LMBR1: variants seen among roughly 807,000 people sequenced by gnomAD.
LMBR1 encodes limb development membrane protein 1.
A neutral mutation model predicts 73.9 loss-of-function variants in LMBR1; 52 were observed. The ratio of observed to expected loss-of-function variants is 0.70; its 90% confidence interval spans 0.56 to 0.89. The LOEUF is 0.89. LMBR1 is among the 40% of genes least tolerant of loss of function. LMBR1 has a pLI of 0.00. For synonymous variants in LMBR1, 215 were observed against 209.4 expected, an observed-to-expected ratio of 1.03 and a Z score of -0.23; for missense variants, 539 against 579.8, an observed-to-expected ratio of 0.93 and a Z score of 0.72.
intron 15 of LMBR1, among the ~76,000 whole-genome samples, chr7:156,717,400 G>T (rs1021565403): frequency 2.6e-5 from 4 of 152,170 alleles, no homozygotes; most frequent in African/African-American, 9.7e-5. Context: ...TTTAGCTTAG[G>T]GTGGGTGGTG....
chr7:156,892,828 G>T (rs1803384796), intron 1 of LMBR1, 100 bp downstream of exon 1: 4 of 724,832 alleles, frequency 5.5e-6, no homozygotes, highest in Non-Finnish European at 5.5e-6. Context: ...GCGAGGCGAG[G>T]CCCGGAGGTG....
At chr7:156,787,608 T>C (rs541678241) in intron 5 of LMBR1, among the ~76,000 whole-genome samples, 49 of 152,338 alleles carry the variant, frequency 3.2e-4, no homozygotes, top group African/African-American at 1.2e-3. Flanking sequence ...GCTGAACTTC[T>C]AAAACCCTGA....
intron 1 of LMBR1, among the ~76,000 whole-genome samples, chr7:156,850,609 G>A (rs1049996158): frequency 2.0e-5 from 3 of 152,134 alleles, no homozygotes; most frequent in African/African-American, 7.2e-5. Flanking sequence ...GCTGTAGCAT[G>A]TAACAATAGT....
Position 156,763,815 on chromosome 7 carries a change from T to C in LMBR1, c.424-20A>G, listed in dbSNP as rs1823582960. On this transcript the variant is annotated intron_variant, in intron 5 of 16. Coordinates refer to ENST00000353442, the MANE Select transcript of LMBR1 (RefSeq NM_022458.4). ...GATTCCCTGAAAAATAGAGTAGAAATATAATTTTAGTATTTTACTTCATTT... is the reference window on the plus strand; with the variant it reads ...GATTCCCTGAAAAATAGAGTAGAAACATAATTTTAGTATTTTACTTCATTT... 2 of 1,569,654 alleles carry C rather than the reference T, an allele frequency of 1.3e-6. No individual in the cohort carries two copies. The highest frequency in any genetic ancestry group is 1.2e-5 in the South Asian group (1 of 83,338).
chr7:156,885,369 A>G (rs1801720735), intron 1 of LMBR1, among the ~76,000 whole-genome samples: 1 of 151,374 alleles, frequency 6.6e-6, no homozygotes, highest in African/African-American at 2.4e-5. Flanking sequence ...AAAAAAAAAA[A>G]AGTCCCAGTC....
intron 4 of LMBR1, among the ~76,000 whole-genome samples, chr7:156,802,989 C>T (rs896851102): frequency 3.7e-4 from 57 of 152,064 alleles, no homozygotes; most frequent in Admixed American, 9.8e-4. Flanking sequence ...ACACTTTATA[C>T]AAAAATTAAT....
intron 8 of LMBR1, among the ~76,000 whole-genome samples, chr7:156,758,333 A>G (rs1360248615): frequency 1.3e-5 from 2 of 152,250 alleles, no homozygotes; most frequent in Non-Finnish European, 2.9e-5. Context: ...TAAGGCATAC[A>G]AAAGGATTTT....
chr7:156,885,873 C>CATAA (rs953543270), intron 1 of LMBR1, among the ~76,000 whole-genome samples: 3 of 149,832 alleles, frequency 2.0e-5, no homozygotes, highest in South Asian at 2.1e-4. Context: ...GACTCCATAT[C>CATAA]ATAAATAAAT....
Position 156,873,955 on chromosome 7 carries a change from G to C in LMBR1, c.66+18973C>G, listed in dbSNP as rs189028835. 3.1e-3 allele frequency among the ~76,000 whole-genome samples: 468 copies of C among 152,362 alleles called. 1 individual carries two copies. Among genetic ancestry groups the C allele is most frequent in the Non-Finnish European group, 5.6e-3 (381 of 68,040 alleles). On this transcript the variant is annotated intron_variant, in intron 1 of 16. Transcript: ENST00000353442. ...CAGCTGGCTTCACCCAGTGGATTCC[G>C]CACTAGGGCTGCAGGTGGAGCTGCC...
At chr7:156,847,652 G>A (rs1795680807) in intron 1 of LMBR1, among the ~76,000 whole-genome samples, 1 of 150,002 alleles carries the variant, frequency 6.7e-6, no homozygotes. Context: ...AAGATACGCA[G>A]ATAGCAAATA....
At chr7:156,866,061 A>C (rs2134247151) in intron 1 of LMBR1, among the ~76,000 whole-genome samples, 1 of 148,942 alleles carries the variant, frequency 6.7e-6, no homozygotes, top group South Asian at 2.2e-4. Flanking sequence ...AAAATCTCAA[A>C]AGACAAAAAA....
chr7:156,820,898 A>G (rs1442153749), intron 4 of LMBR1, among the ~76,000 whole-genome samples: 1 of 152,228 alleles, frequency 6.6e-6, no homozygotes, highest in Non-Finnish European at 1.5e-5. Context: ...AGAGGCAGAG[A>G]CGCATGCTGT....
intron 1 of LMBR1, among the ~76,000 whole-genome samples, chr7:156,888,872 T>C (rs190855181): frequency 2.8e-4 from 43 of 152,116 alleles, no homozygotes; most frequent in African/African-American, 1.0e-3. Context: ...CTGGCCAACA[T>C]GGTGAAACCC....
chr7:156,680,403 A>AGAGAGAGAGAGAGAGTGTGTGTGTGT lies in LMBR1; in HGVS notation c.*3674_*3675insACACACACACACTCTCTCTCTCTCTC, dbSNP rs1343950098. On this transcript the variant is annotated 3_prime_UTR_variant, in exon 17 of 17. Transcript: ENST00000353442. ...GAGAGAGAGAGAGAGAGAGAGAGAG[A>AGAGAGAGAGAGAGAGTGTGTGTGTGT]GTGTGTGTGTGTGTGTGTGTGTAAT... 1.6e-3 allele frequency: 195 copies of AGAGAGAGAGAGAGAGTGTGTGTGTGT among 125,132 alleles called. 1 individual carries two copies. Among genetic ancestry groups the AGAGAGAGAGAGAGAGTGTGTGTGTGT allele is most frequent in the African/African-American group, 5.7e-3 (187 of 32,630 alleles). The allele number at this position is 125,132 out of a possible 1,614,324, so 7.8% of individuals were successfully genotyped here.
chr7:156,890,294 C>T (rs1056849779), intron 1 of LMBR1, among the ~76,000 whole-genome samples: 7 of 151,888 alleles, frequency 4.6e-5, no homozygotes, highest in South Asian at 2.1e-4. Context: ...ATTTCTTAAT[C>T]GGGACATTAA....
At chr7:156,846,086 T>A (rs531336772) in intron 1 of LMBR1, among the ~76,000 whole-genome samples, 11 of 152,020 alleles carry the variant, frequency 7.2e-5, no homozygotes, top group African/African-American at 2.7e-4. Flanking sequence ...CTGGGCAACC[T>A]AGAGAGACCC....
At chr7:156,892,194 T>C (rs1399986725) in intron 1 of LMBR1, among the ~76,000 whole-genome samples, 1 of 152,260 alleles carries the variant, frequency 6.6e-6, no homozygotes, top group South Asian at 2.1e-4. Context: ...GTTGCTTCCA[T>C]AGCAAAATGG....
Position 156,670,497 on chromosome 7 carries a change from T to C in LMBR1, n.867-1210A>G, listed in dbSNP as rs1011000777. Among the ~76,000 whole-genome samples the C allele has an allele frequency of 2.0e-5, 3 of 152,180 alleles. No homozygotes were observed. Among genetic ancestry groups the C allele is most frequent in the Non-Finnish European group, 4.4e-5 (3 of 68,036 alleles). On this transcript the variant is annotated intron_variant and non_coding_transcript_variant, in intron 4 of 4. Coordinates refer to the LMBR1 transcript ENST00000430825. This position sits in a 1 kb window ranked among gnomAD's most constrained non-coding sequence, Gnocchi z 4.3. ...GCTTGAAGCAACAAAGGCTAAGAATTTTCCAGATCTGAAGAAGATACAAGC... is the reference window on the plus strand; with the variant it reads ...GCTTGAAGCAACAAAGGCTAAGAATCTTCCAGATCTGAAGAAGATACAAGC...
intron 15 of LMBR1, among the ~76,000 whole-genome samples, chr7:156,692,696 C>G (rs1314258094): frequency 6.6e-6 from 1 of 152,138 alleles, no homozygotes; most frequent in Non-Finnish European, 1.5e-5. Flanking sequence ...AGCCATCTCC[C>G]TAAGTTCATG....
Sources: gnomAD v4.1 joint callset for allele counts (sites outside exome capture counted in the v4.1 genomes callset) on GRCh38, gnomAD v4.1.1 for gene constraint, Gnocchi (gnomAD v3.1) non-coding constraint, MANE v1.5 for transcripts, NCBI Gene and HGNC (gene_info 2026-07-23, HGNC 2026-07-21) for gene names.